Variants in ZC3H6 observed in about 807,000 individuals in gnomAD.
ZC3H6 encodes zinc finger CCCH domain-containing protein 6.
A neutral mutation model predicts 107.7 loss-of-function variants in ZC3H6; 40 were observed. The observed-to-expected ratio is 0.37, with a 90% CI of 0.29 to 0.48. The LOEUF (loss-of-function observed/expected upper bound fraction) is 0.48. Ranked by LOEUF, ZC3H6 falls within the 20% of genes least tolerant of loss-of-function variation. The pLI, the probability that ZC3H6 is intolerant of heterozygous loss-of-function variation, is 0.98. For missense variants in ZC3H6, 1,267 were observed against 1,410.4 expected (o/e 0.90, Z 1.63); for synonymous variants, 493 against 487.9 (o/e 1.01, Z -0.14).
Position 112,338,909 on chromosome 2 carries a change from AT to A in ZC3H6, c.*6422del, listed in dbSNP as rs1677193140. ...TATATATATATATATATATATATAT[AT>A]ATAATTTTTTTTTTTTGAGACGGAG... On this transcript the variant is annotated 3_prime_UTR_variant, in exon 12 of 12. Coordinates refer to ENST00000409871, the MANE Select transcript of ZC3H6 (RefSeq NM_198581.3). 1 of 83,270 alleles carries A rather than the reference AT, an allele frequency of 1.2e-5. No homozygotes were observed. The highest frequency in any genetic ancestry group is 2.7e-5 in the Non-Finnish European group (1 of 37,560). The allele number at this position is 83,270 out of a possible 1,614,324, so 5.2% of individuals were successfully genotyped here.
intron 1 of ZC3H6, among the ~76,000 whole-genome samples, chr2:112,281,418 A>ATATGGTAAGTGAGTAG (rs1427358296): frequency 2.0e-5 from 3 of 152,180 alleles, no homozygotes; most frequent in African/African-American, 7.2e-5. Context: ...CCTCTATGGT[A>ATATGGTAAGTGAGTAG]TATGGTAAGT....
At chr2:112,306,385 C>T (rs1676477461) in intron 3 of ZC3H6, among the ~76,000 whole-genome samples, 1 of 152,070 alleles carries the variant, frequency 6.6e-6, no homozygotes, top group East Asian at 1.9e-4. Flanking sequence ...GTTGGCCAGG[C>T]TGGTCTCAAA....
intron 1 of ZC3H6, among the ~76,000 whole-genome samples, chr2:112,289,627 A>T (rs1676061860): frequency 6.6e-6 from 1 of 152,122 alleles, no homozygotes; most frequent in Admixed American, 6.6e-5. Context: ...GCCGGCCCTG[A>T]ACCACTCTTC....
At chr2:112,330,893 A>G (rs1465357815) in intron 11 of ZC3H6, 112 bp from the exon 12 acceptor site, 1 of 396,130 alleles carries the variant, frequency 2.5e-6, no homozygotes, top group Non-Finnish European at 3.7e-6. Context: ...AATTAAGGCT[A>G]CATATAAATG....
At chr2:112,316,309 A>C (rs1676693949) in intron 5 of ZC3H6, among the ~76,000 whole-genome samples, 161 bp from the exon 6 acceptor site, 1 of 152,130 alleles carries the variant, frequency 6.6e-6, no homozygotes, top group Non-Finnish European at 1.5e-5. Context: ...GTAGATTACT[A>C]GACACATATC....
chr2:112,337,197 C>G lies in ZC3H6; in HGVS notation c.*4709C>G, dbSNP rs978972095. 2.0e-4 allele frequency: 31 copies of G among 152,054 alleles called. No homozygotes were observed. Among genetic ancestry groups the G allele is most frequent in the African/African-American group, 6.5e-4 (27 of 41,390 alleles). 9.4% of individuals were successfully genotyped at this position (152,054 alleles called of 1,614,324 possible). The stretch of plus-strand genomic sequence containing the variant: ...TTCATAACTTTAAGAGTCCTCCAGA[C>G]TTACAAGATTACTTCATGGTGAAAG... On this transcript the variant is annotated 3_prime_UTR_variant, in exon 12 of 12. Coordinates refer to ENST00000409871, the MANE Select transcript of ZC3H6 (RefSeq NM_198581.3).
chr2:112,307,395 T>C (rs1458575140), intron 3 of ZC3H6, among the ~76,000 whole-genome samples: 2 of 152,214 alleles, frequency 1.3e-5, no homozygotes, highest in African/African-American at 4.8e-5. Flanking sequence ...AAACCAACTC[T>C]ATCCCTGCAG....
chr2:112,296,810 G>A lies in ZC3H6; in HGVS notation c.33-3039G>A, dbSNP rs962552348. Among the ~76,000 whole-genome samples the A allele has an allele frequency of 2.0e-5, 3 of 152,204 alleles. No individual in the cohort carries two copies. The South Asian group carries it at 6.2e-4, about 31-fold the overall frequency. ...GCTAGAGATACCTCTGTAAAAGACAGTCATACACCCTGCTTTCACCAATGA... is the reference window on the plus strand; with the variant it reads ...GCTAGAGATACCTCTGTAAAAGACAATCATACACCCTGCTTTCACCAATGA... On this transcript the variant is annotated intron_variant, in intron 1 of 11. Transcript: ENST00000409871.
chr2:112,317,457 A>G (rs1335269566), intron 7 of ZC3H6, 125 bp downstream of exon 7: 3 of 527,930 alleles, frequency 5.7e-6, no homozygotes, highest in South Asian at 6.7e-5. Flanking sequence ...ACAACACATT[A>G]CATAAACCCA....
chr2:112,287,837 C>G (rs1159806959), intron 1 of ZC3H6, among the ~76,000 whole-genome samples: 1 of 152,254 alleles, frequency 6.6e-6, no homozygotes, highest in African/African-American at 2.4e-5. Flanking sequence ...CTCCTGACCT[C>G]GTGATCCGCC....
At chr2:112,308,816 G>A (rs1359433689) in intron 3 of ZC3H6, among the ~76,000 whole-genome samples, 2 of 151,300 alleles carry the variant, frequency 1.3e-5, no homozygotes, top group Non-Finnish European at 3.0e-5. Context: ...CACTTTGGGA[G>A]GCTGAGGCAG....
Position 112,276,024 on chromosome 2 carries a change from C to T in ZC3H6, c.30C>T (p.Asp10=). 6.5e-7 allele frequency: 1 copy of T among 1,542,702 alleles called. No homozygotes were observed. The highest frequency in any genetic ancestry group is 8.7e-7 in the Non-Finnish European group (1 of 1,143,620). The change falls in exon 1 of 12, where the codon GAC becomes GAT. Residue 10 remains aspartate, a splice_region_variant and synonymous_variant. Coordinates refer to ENST00000409871, the MANE Select transcript of ZC3H6 (RefSeq NM_198581.3). Reference sequence around the variant, plus strand: ...CAGACTCTGAACATGCAGGGCACGACAGGTCGGGAACCCTTCTTGTCTGTC... The same window carrying T: ...CAGACTCTGAACATGCAGGGCACGATAGGTCGGGAACCCTTCTTGTCTGTC... MTDSEHAGH[D]REDGELEDGE...
At chr2:112,328,005 T>G (rs926209757) in intron 11 of ZC3H6, among the ~76,000 whole-genome samples, 4 of 152,210 alleles carry the variant, frequency 2.6e-5, no homozygotes, top group African/African-American at 9.6e-5. Flanking sequence ...TTCTCCTGCC[T>G]CAGCCTCCCA....
At chr2:112,290,652 C>CTT (rs67536026) in intron 1 of ZC3H6, among the ~76,000 whole-genome samples, 2 of 143,908 alleles carry the variant, frequency 1.4e-5, no homozygotes, top group African/African-American at 2.6e-5. Context: ...AATGAATGGC[C>CTT]TTTTTTTTTT....
chr2:112,285,099 G>T (rs915874841), intron 1 of ZC3H6, among the ~76,000 whole-genome samples: 4 of 152,078 alleles, frequency 2.6e-5, no homozygotes, highest in Non-Finnish European at 5.9e-5. Context: ...TCTGAAAAAG[G>T]ATTTAATATT....
intron 5 of ZC3H6, among the ~76,000 whole-genome samples, chr2:112,314,736 C>T (rs1023735705): frequency 2.0e-5 from 3 of 152,098 alleles, no homozygotes; most frequent in African/African-American, 7.2e-5. Context: ...TTTATATCTG[C>T]TTATTCTAAA....
intron 1 of ZC3H6, among the ~76,000 whole-genome samples, chr2:112,281,142 CAG>C (rs1686518278): frequency 6.6e-6 from 1 of 152,014 alleles, no homozygotes; most frequent in Non-Finnish European, 1.5e-5. Flanking sequence ...GGTGATAAAG[CAG>C]AAAGGGAGAT....
chr2:112,317,509 TA>T (rs1676721783), intron 7 of ZC3H6, among the ~76,000 whole-genome samples, 177 bp downstream of exon 7: 1 of 152,202 alleles, frequency 6.6e-6, no homozygotes, highest in Non-Finnish European at 1.5e-5. Flanking sequence ...AACTGACCTT[TA>T]TTCTTTAGGG....
intron 1 of ZC3H6, among the ~76,000 whole-genome samples, chr2:112,276,983 A>C (rs544017967): frequency 6.6e-6 from 1 of 151,786 alleles, no homozygotes; most frequent in Admixed American, 6.6e-5. Context: ...ACGTTTTACT[A>C]TAGACTATAT....
Sources: gnomAD v4.1 joint callset for allele counts (sites outside exome capture counted in the v4.1 genomes callset) on GRCh38, gnomAD v4.1.1 for gene constraint, MANE v1.5 for transcripts, NCBI Gene and HGNC (gene_info 2026-07-23, HGNC 2026-07-21) for gene names.